RAD51B: variants seen among roughly 807,000 people sequenced by gnomAD.
RAD51B encodes DNA repair protein RAD51 homolog 2.
RAD51B carries 38 observed loss-of-function variants against 42.2 expected under a neutral mutation model. The ratio of observed to expected loss-of-function variants is 0.90; its 90% confidence interval spans 0.70 to 1.18. RAD51B has a LOEUF of 1.18. RAD51B is among the 50% of genes most tolerant of loss of function. The probability of loss-of-function intolerance (pLI) is 0.00; values close to 1 mark genes in which losing one functional copy is unlikely to be tolerated. For synonymous variants in RAD51B, 154 were observed against 145.2 expected (o/e 1.06, Z -0.43); for missense variants, 373 against 400.7 (o/e 0.93, Z 0.59).
intron 7 of RAD51B, among the ~76,000 whole-genome samples, chr14:67,922,562 TA>T (rs1566959739): frequency 1.3e-5 from 2 of 151,548 alleles, no homozygotes; most frequent in Non-Finnish European, 1.5e-5. Flanking sequence ...TTTTTTTTTT[TA>T]AATTTCAATA....
downstream of RAD51B, among the ~76,000 whole-genome samples, chr14:68,598,397 G>A (rs909682042): frequency 7.9e-5 from 12 of 152,304 alleles, no homozygotes; most frequent in African/African-American, 2.6e-4. Flanking sequence ...GATGTACTCA[G>A]GGAAAAGGAG....
chr14:68,149,310 G>A (rs184538596), intron 7 of RAD51B, among the ~76,000 whole-genome samples: 186 of 151,884 alleles, frequency 1.2e-3, no homozygotes, highest in African/African-American at 4.0e-3. Flanking sequence ...CTATGTTATC[G>A]TCTGGAATTT....
chr14:68,447,080 G>A (rs970203358), intron 9 of RAD51B, among the ~76,000 whole-genome samples: 12 of 152,146 alleles, frequency 7.9e-5, no homozygotes, highest in African/African-American at 1.2e-4. Flanking sequence ...TTAGCCGGGC[G>A]TGGTGGCACA....
At chr14:67,990,107 C>T (rs1004715118) in intron 7 of RAD51B, among the ~76,000 whole-genome samples, 3 of 150,390 alleles carry the variant, frequency 2.0e-5, no homozygotes, top group African/African-American at 7.4e-5. Context: ...AAGCTATTCT[C>T]CTGCCTCAGC....
chr14:67,873,821 A>G (rs1432635459), intron 5 of RAD51B, among the ~76,000 whole-genome samples: 3 of 146,524 alleles, frequency 2.0e-5, no homozygotes, highest in African/African-American at 7.6e-5. Context: ...CATCATTCTC[A>G]GTAAACTATC....
At chr14:68,424,949 A>T (rs1432444329) in intron 9 of RAD51B, among the ~76,000 whole-genome samples, 2 of 151,826 alleles carry the variant, frequency 1.3e-5, no homozygotes, top group East Asian at 3.9e-4. Flanking sequence ...TATTTTTAAA[A>T]TTTTATGTAG....
intron 7 of RAD51B, among the ~76,000 whole-genome samples, chr14:68,229,093 C>A (rs1196160947): frequency 1.3e-5 from 2 of 152,114 alleles, no homozygotes; most frequent in African/African-American, 4.8e-5. Context: ...TGCTGATGGG[C>A]AAAATTAACA....
chr14:68,605,869 T>C (rs1283112277), intron 10 of RAD51B, among the ~76,000 whole-genome samples: 1 of 152,210 alleles, frequency 6.6e-6, no homozygotes, highest in Non-Finnish European at 1.5e-5. Context: ...GGTGGGCTTC[T>C]GGAATGCAGT....
chr14:68,177,028 A>C (rs1444256640), intron 7 of RAD51B, among the ~76,000 whole-genome samples: 1 of 152,186 alleles, frequency 6.6e-6, no homozygotes, highest in Non-Finnish European at 1.5e-5. Flanking sequence ...AAAATGAGCA[A>C]AGGAGTCCTT....
At chr14:68,139,756 G>T (rs1257999327) in intron 7 of RAD51B, among the ~76,000 whole-genome samples, 1 of 152,208 alleles carries the variant, frequency 6.6e-6, no homozygotes, top group African/African-American at 2.4e-5. Flanking sequence ...TTGGAAAAAG[G>T]TCTCATAAAA....
intron 10 of RAD51B, among the ~76,000 whole-genome samples, chr14:68,573,830 T>C (rs17105879): frequency 0.035 from 5,367 of 152,308 alleles, 342 homozygotes; most frequent in African/African-American, 0.12. Flanking sequence ...AGCCCGCAGA[T>C]GAAGACTTTA....
At chr14:68,336,523 A>G (rs964794160) in intron 8 of RAD51B, among the ~76,000 whole-genome samples, 1 of 152,242 alleles carries the variant, frequency 6.6e-6, no homozygotes. Context: ...TGGGGGTGTT[A>G]CTGTCCAATA....
chr14:67,913,395 G>A lies in RAD51B; in HGVS notation c.756+26191G>A, dbSNP rs149113661. On this transcript the variant is annotated intron_variant, in intron 7 of 10. Coordinates refer to ENST00000471583, the MANE Select transcript of RAD51B (RefSeq NM_133510.4). ...AAATGTGATCTTGGGACTGCTGGGT[G>A]TCTCTGGGACTTTATCAGGTATCTG... is the stretch of plus-strand genomic sequence containing the variant. 3.7e-4 allele frequency among the ~76,000 whole-genome samples: 56 copies of A among 152,326 alleles called. No homozygotes were observed. In the East Asian group the frequency reaches 8.9e-3, roughly 24 times the overall value.
At chr14:68,589,837 G>C (rs1014956018) in intron 10 of RAD51B, among the ~76,000 whole-genome samples, 4 of 152,176 alleles carry the variant, frequency 2.6e-5, no homozygotes, top group African/African-American at 9.7e-5. Context: ...TACAGGGATA[G>C]AAAGGGCTTT....
At chr14:67,977,275 C>G (rs1334936631) in intron 7 of RAD51B, among the ~76,000 whole-genome samples, 1 of 152,168 alleles carries the variant, frequency 6.6e-6, no homozygotes, top group African/African-American at 2.4e-5. Context: ...AATGTTGATT[C>G]ACCTGTATGT....
At chr14:68,189,829 C>G (rs936269516) in intron 7 of RAD51B, among the ~76,000 whole-genome samples, 1 of 151,976 alleles carries the variant, frequency 6.6e-6, no homozygotes, top group Non-Finnish European at 1.5e-5. Context: ...CCATGCCCGA[C>G]TAATTTTTGT....
At chr14:68,070,923 G>A (rs950170527) in intron 7 of RAD51B, among the ~76,000 whole-genome samples, 3 of 151,936 alleles carry the variant, frequency 2.0e-5, no homozygotes, top group Non-Finnish European at 2.9e-5. Context: ...AGGATGGAAT[G>A]TTTTTCCATT....
intron 10 of RAD51B, among the ~76,000 whole-genome samples, chr14:68,627,528 G>A (rs17106060): frequency 0.036 from 5,492 of 152,176 alleles, 321 homozygotes; most frequent in African/African-American, 0.12. Flanking sequence ...TCCAGGAGCC[G>A]CGTTTGGAAG....
chr14:68,612,381 T>C (rs529049698), downstream of RAD51B, among the ~76,000 whole-genome samples: 7 of 152,342 alleles, frequency 4.6e-5, no homozygotes, highest in Admixed American at 1.3e-4. Flanking sequence ...TGATTCTGTC[T>C]GGGGATGTGT....
Sources: gnomAD v4.1 joint callset for allele counts (sites outside exome capture counted in the v4.1 genomes callset) on GRCh38, gnomAD v4.1.1 for gene constraint, MANE v1.5 for transcripts, NCBI Gene and HGNC (gene_info 2026-07-23, HGNC 2026-07-21) for gene names.